The following MUC5AC variants were observed in gnomAD, a reference collection of about 807,000 sequenced individuals.
MUC5AC encodes the protein mucin-5AC.
In MUC5AC, 158 loss-of-function variants were observed where a neutral mutation model predicts 169.7. The ratio of observed to expected loss-of-function variants is 0.93; its 90% CI spans 0.82 to 1.06. The LOEUF (loss-of-function observed/expected upper bound fraction) is 1.06, where lower values mean the gene tolerates loss of function less well. Among genes scored for constraint, MUC5AC ranks in the 50% least tolerant of loss-of-function variants. The pLI is 0.00. For synonymous variants in MUC5AC, 1,975 were observed against 1,237.0 expected (o/e 1.60, Z -12.52); for missense variants, 4,359 against 3,089.9 (o/e 1.41, Z -9.74).
intron 28 of MUC5AC, 70 bp from the exon 29 acceptor site, chr11:1,181,069 A>G: frequency 2.5e-6 from 1 of 398,498 alleles, no homozygotes; most frequent in Non-Finnish European, 4.4e-6. Context: ...CGCCGTTGGT[A>G]GCATGGGATG....
chr11:1,192,786 C>T lies in MUC5AC; in HGVS notation c.14384C>T (p.Ser4795Phe), dbSNP rs776122235. ...NVADRLYPAG[S>F]TIYRHRDLAG... ...GCCATGTCCCTTCCTCTTACAGGATCCACCATATACCGCCACAGAGACCTC... is the reference window on the plus strand; with the variant it reads ...GCCATGTCCCTTCCTCTTACAGGATTCACCATATACCGCCACAGAGACCTC... Residue 4795 changes from serine (S) to phenylalanine (F), a missense_variant, in exon 32 of 49, where the codon TCC becomes TTC. Transcript: ENST00000621226. The T allele has an allele frequency of 1.3e-6, 1 of 755,694 alleles. No homozygotes were observed. Among genetic ancestry groups the T allele is most frequent in the Admixed American group, 1.7e-5 (1 of 58,752 alleles). The allele number at this position is 755,694 out of a possible 1,614,324, so 46.8% of individuals were successfully genotyped here.
chr11:1,167,329 A>G (rs1339853205), intron 11 of MUC5AC, among the ~76,000 whole-genome samples: 2 of 149,626 alleles, frequency 1.3e-5, no homozygotes, highest in Admixed American at 1.3e-4. Context: ...GTCTCCCCCG[A>G]TGAGACCCTG....
intron 1 of MUC5AC, among the ~76,000 whole-genome samples, chr11:1,158,787 C>T (rs1291487740): frequency 2.6e-5 from 4 of 152,154 alleles, no homozygotes; most frequent in Non-Finnish European, 5.9e-5. Context: ...AACAGCAGGG[C>T]AGGGACCTCA....
intron 21 of MUC5AC, 95 bp downstream of exon 21, chr11:1,176,760 G>A (rs1011022151): frequency 4.0e-5 from 16 of 398,374 alleles, no homozygotes; most frequent in Non-Finnish European, 6.6e-5. Flanking sequence ...AGGGGTCCCG[G>A]GAAAACGCAG....
intron 12 of MUC5AC, 125 bp downstream of exon 12, chr11:1,168,112 A>G: frequency 4.9e-6 from 4 of 811,866 alleles, no homozygotes. Context: ...CTCTGGCAAC[A>G]CTGGCTGTGT....
rs1860627748 is a variant in MUC5AC, at chr11:1,174,599, G to A, written c.2069G>A (p.Gly690Asp). Residue 690 changes from glycine (G) to aspartate (D), a missense_variant, in exon 17 of 49, where the codon GGC becomes GAC. Gly to Asp is a moderately conservative substitution (Grantham distance 94, BLOSUM62 -1). Transcript: ENST00000621226. ...HACAAKGVQL[G>D]GWRDGVCTKP... ...TGTGCCGCCAAGGGCGTGCAGCTCGGCGGCTGGAGGGACGGCGTCTGCAGT... is the reference window on the plus strand; with the variant it reads ...TGTGCCGCCAAGGGCGTGCAGCTCGACGGCTGGAGGGACGGCGTCTGCAGT... The A allele has an allele frequency of 5.1e-6, 7 of 1,371,620 alleles. No individual in the cohort carries two copies. The South Asian group carries it at 7.6e-5, about 15-fold the overall frequency. 85.0% of individuals were successfully genotyped at this position (1,371,620 alleles called of 1,614,324 possible). A position where few individuals can be genotyped will look rare whatever the true frequency, so the allele number is the denominator to read the frequency against.
Position 1,195,108 on chromosome 11 carries a change from TAC to T in MUC5AC, c.15288_15289del (p.Pro5097ArgfsTer59). 3 of 763,170 alleles carry T rather than the reference TAC, an allele frequency of 3.9e-6. 1 individual carries two copies. The highest frequency in any genetic ancestry group is 2.4e-6 in the Non-Finnish European group (1 of 417,266). The allele number at this position is 763,170 out of a possible 1,614,324, so 47.3% of individuals were successfully genotyped here. ...ATGTCCGGCCTCTGGAACGTGAGCA[TAC>T]CCGACCAGCCAGCCTGCCACCGGCC... On this transcript the variant is annotated frameshift_variant, in exon 36 of 49. Transcript: ENST00000621226. LOFTEE classifies it high-confidence loss of function.
In MUC5AC at chr11:1,190,215, G is replaced by A. The variant is rs1861053866; in HGVS notation, c.12070G>A (p.Glu4024Lys). 2 of 755,646 alleles carry A rather than the reference G, an allele frequency of 2.6e-6. No homozygotes were observed. The highest frequency in any genetic ancestry group is 2.4e-5 in the East Asian group (1 of 41,146). 46.8% of individuals were successfully genotyped at this position (755,646 alleles called of 1,614,324 possible). Residue 4024 changes from glutamate (E) to lysine (K), a missense_variant, in exon 31 of 49, where the codon GAA (glutamate) becomes AAA (lysine). Transcript: ENST00000621226. ...GGGCCAGGTGGTGCAGTGCAGCCGG[G>A]AAGAGGGCCTGGTGTGCCGGAACCA... ...HLGQVVQCSR[E>K]EGLVCRNQDQ...
chr11:1,178,525 G>T lies in MUC5AC; in HGVS notation c.3169G>T (p.Asp1057Tyr). 7.7e-7 allele frequency: 1 copy of T among 1,290,600 alleles called. No individual in the cohort carries two copies. Among genetic ancestry groups the T allele is most frequent in the Non-Finnish European group, 1.0e-6 (1 of 982,468 alleles). The allele number at this position is 1,290,600 out of a possible 1,614,324, so 79.9% of individuals were successfully genotyped here. Residue 1057 changes from aspartate to tyrosine, a missense_variant, in exon 25 of 49, where the codon GAC (aspartate) becomes TAC (tyrosine). By Grantham distance (160) the Asp-to-Tyr change is radical. Coordinates refer to ENST00000621226, the MANE Select transcript of MUC5AC (RefSeq NM_001304359.2). ...CACGCGGAGCCGGTCTGTGGTGGGG[G>T]ACGTGCTGGAGTTTGGGAACAGCTG... ...FATRSRSVVG[D>Y]VLEFGNSWKL... is the part of the protein sequence containing the mutation.
rs1860952958 is a variant in MUC5AC, at chr11:1,186,608, T to A, written c.8463T>A (p.Thr2821=). The part of the protein sequence containing the change: ...STTSTPQTST[T]SAPTTSTTSG... ...CTTCCACACCACAGACCAGCACAAC[T>A]TCGGCTCCTACAACCAGCACAACTT... The change falls in exon 31 of 49, where the codon ACT becomes ACA. Residue 2821 remains threonine (T), a synonymous_variant. Transcript: ENST00000621226. 86 of 689,812 alleles carry A rather than the reference T, an allele frequency of 1.2e-4. 1 individual carries two copies. Among genetic ancestry groups the A allele is most frequent in the South Asian group, 1.2e-3 (79 of 66,808 alleles). The allele number at this position is 689,812 out of a possible 1,614,324, so 42.7% of individuals were successfully genotyped here. A position where few individuals can be genotyped will look rare whatever the true frequency, so the allele number is the denominator to read the frequency against.
At position 1,192,254 on chromosome 11, in the gene MUC5AC, C is replaced by T. The variant is rs772786362; in HGVS notation, c.14109C>T (p.Cys4703=). ...GCAGCCGTGAAGAGGGCCTGGTGTG[C>T]CGGAACCAGGACCAGCAGGGACCCT... The part of the protein sequence containing the change: ...VQCSREEGLV[C]RNQDQQGPFK... The change falls in exon 31 of 49, where the codon TGC becomes TGT. Residue 4703 remains cysteine, a synonymous_variant. Coordinates refer to ENST00000621226, the MANE Select transcript of MUC5AC (RefSeq NM_001304359.2). The T allele has an allele frequency of 7.1e-5, 54 of 764,938 alleles. No individual in the cohort carries two copies. The South Asian group carries it at 7.1e-4, about 10-fold the overall frequency. The allele number at this position is 764,938 out of a possible 1,614,324, so 47.4% of individuals were successfully genotyped here.
chr11:1,173,095 C>T (rs1269843449), intron 16 of MUC5AC, among the ~76,000 whole-genome samples: 1 of 133,810 alleles, frequency 7.5e-6, no homozygotes, highest in Non-Finnish European at 1.5e-5. Flanking sequence ...TTCACTCACT[C>T]ACTCACTCAT....
At chr11:1,169,355 A>G (rs1860430502) in intron 15 of MUC5AC, among the ~76,000 whole-genome samples, 2 of 150,396 alleles carry the variant, frequency 1.3e-5, no homozygotes, top group Non-Finnish European at 3.0e-5. Flanking sequence ...TCACCCATTC[A>G]CTCACTCACC....
chr11:1,170,974 TTCACCCCACTCACCTACTCAC>T (rs1590138847), intron 15 of MUC5AC, among the ~76,000 whole-genome samples: 509 of 5,970 alleles, frequency 0.085, no homozygotes, highest in East Asian at 0.16. Context: ...CACTCACCCA[TTCACCCCACTCACCTACTCAC>T]TCACCCACTC....
At chr11:1,198,105 C>T (rs28482817) in intron 42 of MUC5AC, 101 bp downstream of exon 42, 7,470 of 649,646 alleles carry the variant, frequency 0.011, 154 homozygotes, top group African/African-American at 0.063. Context: ...TTGTCCACTG[C>T]GGGTCTGTGG....
Position 1,196,048 on chromosome 11 carries a change from A to C in MUC5AC, c.15631A>C (p.Met5211Leu), listed in dbSNP as rs200882503. ...CIDWRGRTGH[M>L]CPFTCPADKV... ...CGATTGGAGAGGCCGGACCGGCCAC[A>C]TGTGCCGTGAGTGCCACCACTGTCC... Residue 5211 changes from methionine to leucine, a missense_variant, in exon 37 of 49, where the codon ATG (methionine) becomes CTG (leucine). By Grantham distance (15) the Met-to-Leu change is conservative. Transcript: ENST00000621226. 1 of 764,210 alleles carries C rather than the reference A, an allele frequency of 1.3e-6. No individual in the cohort carries two copies. The highest frequency in any genetic ancestry group is 2.4e-6 in the Non-Finnish European group (1 of 417,398). The allele number at this position is 764,210 out of a possible 1,614,324, so 47.3% of individuals were successfully genotyped here.
In MUC5AC at chr11:1,174,519, C is replaced by T; in HGVS notation, c.1989C>T (p.Asn663=). The T allele has an allele frequency of 1.3e-6, 2 of 1,561,712 alleles. No individual in the cohort carries two copies. The highest frequency in any genetic ancestry group is 1.4e-5 in the African/African-American group (1 of 73,786). ...AGAACTGCATGTTTGACACCTGCAA[C>T]TGTGAGCGGAGCGAGGACTGCCTGT... The part of the protein sequence containing the change: ...YYSNCMFDTC[N]CERSEDCLCA... Residue 663 remains asparagine, a synonymous_variant, in exon 17 of 49, where the codon AAC becomes AAT. Transcript: ENST00000621226.
chr11:1,166,381 C>A (rs1454415150), intron 11 of MUC5AC, among the ~76,000 whole-genome samples: 1 of 145,808 alleles, frequency 6.9e-6, no homozygotes, highest in Non-Finnish European at 1.5e-5. Context: ...GACACACAGT[C>A]TCTCCACAAT....
chr11:1,162,122 G>A lies in MUC5AC; in HGVS notation c.427G>A (p.Val143Met), dbSNP rs775206945. 1.5e-5 allele frequency: 24 copies of A among 1,612,516 alleles called. No individual in the cohort carries two copies. Among genetic ancestry groups the A allele is most frequent in the South Asian group, 3.3e-5 (3 of 91,080 alleles). ...CAGGGTCCTCATGAAGGTGGATGGC[G>A]TGGTCATCCAGCTGACCAAGGGCTC... The part of the protein sequence containing the change: ...LSRVLMKVDG[V>M]VIQLTKGSVL... The change falls in exon 4 of 49, where the codon GTG becomes ATG. Residue 143 changes from valine (V) to methionine (M), a missense_variant. Physicochemically the swap from Val to Met is conservative, Grantham distance 21 (BLOSUM62 1). Transcript: ENST00000621226.
Sources: gnomAD v4.1 joint callset for allele counts (sites outside exome capture counted in the v4.1 genomes callset) on GRCh38, gnomAD v4.1.1 for gene constraint, MANE v1.5 for transcripts, NCBI Gene and HGNC (gene_info 2026-07-23, HGNC 2026-07-21) for gene names.